The following MTMR6 variants were observed in gnomAD, a reference collection of about 807,000 sequenced individuals.
MTMR6 encodes the protein myotubularin related protein 6, also known as phosphatidylinositol-3,5-bisphosphate 3-phosphatase MTMR6.
In MTMR6, 47 loss-of-function variants were observed where a neutral mutation model predicts 80.1. That is an observed-to-expected ratio of 0.59 (90% CI 0.46 to 0.75). MTMR6 has a LOEUF of 0.75. Ranked by LOEUF, MTMR6 falls within the 30% of genes least tolerant of loss-of-function variation. The probability of loss-of-function intolerance (pLI) is 0.00; values close to 1 mark genes in which losing one functional copy is unlikely to be tolerated. For missense variants in MTMR6, 629 were observed against 730.9 expected, an observed-to-expected ratio of 0.86 and a Z score of 1.61; for synonymous variants, 254 against 253.0, an observed-to-expected ratio of 1.00 and a Z score of -0.04.
rs756714948 is a variant in MTMR6 at position 25,274,182 on chromosome 13, T to C, written c.30A>G (p.Glu10=). Residue 10 remains glutamate, a synonymous_variant, in exon 2 of 14, where the codon GAA becomes GAG. Coordinates refer to ENST00000381801, the MANE Select transcript of MTMR6 (RefSeq NM_004685.5). ...TGAATCGGTCAAGTAATTTTACTTG[T>C]TCGACCTAAAAGAAAAAAAGATATT... is the stretch of plus-strand genomic sequence containing the variant. MEHIRTTKV[E]QVKLLDRFST... The C allele has an allele frequency of 7.6e-6, 12 of 1,589,384 alleles. No individual in the cohort carries two copies. In the Admixed American group the frequency reaches 2.1e-4, roughly 27 times the overall value.
intron 3 of MTMR6, among the ~76,000 whole-genome samples, chr13:25,266,796 T>C (rs897818970): frequency 2.0e-5 from 3 of 152,128 alleles, no homozygotes; most frequent in African/African-American, 7.2e-5. Flanking sequence ...TTTGAGACAA[T>C]AGGATGTTAC....
intron 1 of MTMR6, among the ~76,000 whole-genome samples, chr13:25,278,552 C>G (rs1957775318): frequency 6.6e-6 from 1 of 151,938 alleles, no homozygotes; most frequent in Non-Finnish European, 1.5e-5. Context: ...GAAACCCTGT[C>G]TCTACTAAAA....
chr13:25,261,983 A>G (rs554251731), intron 5 of MTMR6, among the ~76,000 whole-genome samples, 181 bp from the exon 6 acceptor site: 6 of 152,280 alleles, frequency 3.9e-5, no homozygotes, highest in Admixed American at 2.6e-4. Context: ...AGTTTTCCCA[A>G]TATTCTATTC....
At chr13:25,259,930 C>T (rs764880039) in intron 6 of MTMR6, among the ~76,000 whole-genome samples, 4 of 151,980 alleles carry the variant, frequency 2.6e-5, no homozygotes, top group Non-Finnish European at 4.4e-5. Flanking sequence ...GGCACAATCT[C>T]GGCTCACTGC....
rs762898535 is a variant in MTMR6 at position 25,251,878 on chromosome 13, G to A, written c.1453C>T (p.Pro485Ser). ...SESHRFTVLE[P>S]NTVSFNFKFW... ...TTAAAATTGAAAGATACTGTATTTG[G>A]CTCCAAAACTGTAAATCTGTGAGAT... Residue 485 changes from proline to serine, a missense_variant, in exon 12 of 14, where the codon CCA (proline) becomes TCA (serine). Physicochemically the swap from Pro to Ser is moderately conservative, Grantham distance 74. Transcript: ENST00000381801. This position sits in a 1 kb window ranked among gnomAD's most constrained non-coding sequence, Gnocchi z 4.1. The A allele has an allele frequency of 1.0e-5, 16 of 1,607,832 alleles. No individual in the cohort carries two copies. In the South Asian group the frequency reaches 1.8e-4, roughly 18 times the overall value.
intron 1 of MTMR6, among the ~76,000 whole-genome samples, chr13:25,274,614 A>G (rs1021978082): frequency 2.0e-5 from 3 of 152,118 alleles, no homozygotes; most frequent in African/African-American, 4.8e-5. Flanking sequence ...GCCAACTCCA[A>G]CTTAGTCTCT....
rs531758558 is a variant in MTMR6 at position 25,256,615 on chromosome 13, T to C, written c.1095+581A>G. On this transcript the variant is annotated intron_variant, in intron 9 of 13. Transcript: ENST00000381801. Reference sequence around the variant, plus strand: ...AAGCAAGCAAATAAAAATCTGATCATACCTTTAAAAGCAAAGAAACAAAAA... The same window carrying C: ...AAGCAAGCAAATAAAAATCTGATCACACCTTTAAAAGCAAAGAAACAAAAA... Among the ~76,000 whole-genome samples the C allele has an allele frequency of 1.8e-4, 28 of 152,282 alleles. No homozygotes were observed. In the South Asian group the frequency reaches 5.4e-3, roughly 29 times the overall value.
At chr13:25,252,065 C>A in intron 11 of MTMR6, 81 bp from the exon 12 acceptor site, 2 of 1,442,658 alleles carry the variant, frequency 1.4e-6, no homozygotes, top group Non-Finnish European at 1.9e-6. Flanking sequence ...ATAAATCAGG[C>A]GATGGCTTCC....
intron 2 of MTMR6, among the ~76,000 whole-genome samples, chr13:25,273,689 C>T (rs1477167181): frequency 6.6e-6 from 1 of 152,038 alleles, no homozygotes; most frequent in African/African-American, 2.4e-5. Flanking sequence ...CCATGCCCAG[C>T]TAATTTTTTG....
intron 1 of MTMR6, among the ~76,000 whole-genome samples, chr13:25,274,965 C>G (rs139265041): frequency 1.2e-4 from 14 of 114,316 alleles, no homozygotes; most frequent in African/African-American, 4.0e-4. Flanking sequence ...CACACATACA[C>G]ACACACACAC....
chr13:25,258,806 A>C, intron 6 of MTMR6, 114 bp from the exon 7 acceptor site: 3 of 813,676 alleles, frequency 3.7e-6, no homozygotes, highest in Non-Finnish European at 5.3e-6. Context: ...AAAGGAACTC[A>C]TCAAAACTGA....
At chr13:25,279,462 GTTC>G (rs1957798001) in intron 1 of MTMR6, among the ~76,000 whole-genome samples, 1 of 152,142 alleles carries the variant, frequency 6.6e-6, no homozygotes, top group Admixed American at 6.5e-5. Context: ...GTCTTGAGTT[GTTC>G]TTTATAGCAG....
Position 25,249,438 on chromosome 13 carries a change from A to G in MTMR6, c.1660T>C (p.Leu554=). The G allele has an allele frequency of 6.2e-7, 1 of 1,614,102 alleles. No individual in the cohort carries two copies. The highest frequency in any genetic ancestry group is 1.1e-5 in the South Asian group (1 of 91,078). ...GGTGATTCAGGATGAACTGAATGTA[A>G]CAATTCCTTGGTGAGGATGCCATCT... ...QTDGILTKEL[L]HSVHPESPNL... is the part of the protein sequence containing the mutation. Residue 554 remains leucine, a synonymous_variant, in exon 14 of 14, where the codon TTA becomes CTA. Coordinates refer to ENST00000381801, the MANE Select transcript of MTMR6 (RefSeq NM_004685.5).
At chr13:25,285,027 T>C (rs1459558015) in intron 1 of MTMR6, among the ~76,000 whole-genome samples, 1 of 150,170 alleles carries the variant, frequency 6.7e-6, no homozygotes, top group East Asian at 2.0e-4. Flanking sequence ...AGACAATTCA[T>C]CAGAAATTTC....
At chr13:25,266,811 T>A (rs1957466077) in intron 3 of MTMR6, among the ~76,000 whole-genome samples, 1 of 152,216 alleles carries the variant, frequency 6.6e-6, no homozygotes, top group African/African-American at 2.4e-5. Context: ...TGTTACAGGC[T>A]GATGTGCTCA....
At chr13:25,279,165 T>C (rs564033400) in intron 1 of MTMR6, among the ~76,000 whole-genome samples, 1 of 152,288 alleles carries the variant, frequency 6.6e-6, no homozygotes, top group Admixed American at 6.5e-5. Flanking sequence ...CCGTCCAAAT[T>C]TCATCTTGGA....
rs1491106020 is a variant in MTMR6, at chr13:25,264,775, A to AAAAAAAAAAAAAAAAAG, written c.591+1043_591+1044insCTTTTTTTTTTTTTTTT. Among the ~76,000 whole-genome samples, 5 of 133,736 alleles carry AAAAAAAAAAAAAAAAAG rather than the reference A, an allele frequency of 3.7e-5. 1 individual carries two copies. Among genetic ancestry groups the AAAAAAAAAAAAAAAAAG allele is most frequent in the East Asian group, 2.6e-4 (1 of 3,868 alleles). The allele number at this position is 133,736 out of a possible 152,430, so 87.7% of individuals were successfully genotyped here. A position where few individuals can be genotyped will look rare whatever the true frequency, so the allele number is the denominator to read the frequency against. ...TCTCAAAAAAAAAAAAAAAAAAAAA[A>AAAAAAAAAAAAAAAAAG]GAAATTTCAGAACACTGGGGAAAAA... On this transcript the variant is annotated intron_variant, in intron 5 of 13. Transcript: ENST00000381801.
chr13:25,266,335 A>AC, intron 3 of MTMR6, 49 bp from the exon 4 acceptor site: 1 of 1,444,122 alleles, frequency 6.9e-7, no homozygotes, highest in East Asian at 2.3e-5. Flanking sequence ...TAAGACTTAT[A>AC]CACTACAAAT....
At chr13:25,279,699 T>C (rs1019201091) in intron 1 of MTMR6, among the ~76,000 whole-genome samples, 2 of 152,142 alleles carry the variant, frequency 1.3e-5, no homozygotes, top group South Asian at 4.1e-4. Flanking sequence ...TTTAAGGTGC[T>C]CCATAGTTGG....
Sources: allele counts gnomAD v4.1 joint callset (sites outside exome capture counted in the v4.1 genomes callset), GRCh38; gene constraint gnomAD v4.1.1; non-coding constraint Gnocchi (gnomAD v3.1); transcripts MANE v1.5; gene names NCBI Gene and HGNC (gene_info 2026-07-23, HGNC 2026-07-21).